The following TRAK1 variants were observed in gnomAD, a reference collection of about 807,000 sequenced individuals.
TRAK1 encodes the protein trafficking kinesin protein 1.
A neutral mutation model predicts 92.1 loss-of-function variants in TRAK1; 33 were observed. The ratio of observed to expected loss-of-function variants is 0.36; its 90% CI spans 0.27 to 0.48. TRAK1 has a LOEUF of 0.48. Ranked by LOEUF, TRAK1 falls within the 20% of genes least tolerant of loss-of-function variation. The probability of loss-of-function intolerance (pLI) is 0.99; values close to 1 mark genes in which losing one functional copy is unlikely to be tolerated. For synonymous variants in TRAK1, 521 were observed against 517.3 expected (o/e 1.01, Z -0.10); for missense variants, 1,123 against 1,257.9 (o/e 0.89, Z 1.62).
At chr3:42,065,491 T>G (rs1001167673) in intron 1 of TRAK1, among the ~76,000 whole-genome samples, 1 of 152,154 alleles carries the variant, frequency 6.6e-6, no homozygotes, top group Non-Finnish European at 1.5e-5. Context: ...TTTTGGGTTT[T>G]GAATTTTCAG....
intron 1 of TRAK1, among the ~76,000 whole-genome samples, chr3:42,043,771 A>AC (rs1470756392): frequency 3.2e-4 from 30 of 92,432 alleles, no homozygotes; most frequent in South Asian, 1.3e-3. Context: ...GACCCACCCC[A>AC]CCCCCCCGCC....
At chr3:42,089,679 C>T (rs1704891320), upstream of TRAK1, among the ~76,000 whole-genome samples, 1 of 143,308 alleles carries the variant, frequency 7.0e-6, no homozygotes, top group African/African-American at 2.9e-5. Context: ...TTTGTGACCC[C>T]CCCCCAATAC....
chr3:42,035,130 C>A (rs904269), intron 1 of TRAK1, among the ~76,000 whole-genome samples: 99,471 of 152,022 alleles, frequency 0.65, 34,427 homozygotes, highest in African/African-American at 0.9. Context: ...AGTCCATAAA[C>A]CACCTTCTAG....
At chr3:42,091,172 C>G (rs1004153022), upstream of TRAK1, 1 of 360,756 alleles carries the variant, frequency 2.8e-6, no homozygotes, top group African/African-American at 2.2e-5. Flanking sequence ...CATCACAAAG[C>G]CCCGTTCTCC....
At chr3:42,102,502 G>C (rs1020158794) in intron 1 of TRAK1, among the ~76,000 whole-genome samples, 2 of 152,150 alleles carry the variant, frequency 1.3e-5, no homozygotes, top group Non-Finnish European at 2.9e-5. Context: ...TTGCTCATTA[G>C]CCCAGCAAGG....
intron 1 of TRAK1, among the ~76,000 whole-genome samples, chr3:42,081,729 G>C (rs1168186683): frequency 6.6e-6 from 1 of 152,226 alleles, no homozygotes; most frequent in African/African-American, 2.4e-5. Flanking sequence ...AAAGGTGCCA[G>C]ATTCTGAGAA....
At chr3:42,116,284 A>G (rs1484551819) in intron 1 of TRAK1, among the ~76,000 whole-genome samples, 2 of 152,210 alleles carry the variant, frequency 1.3e-5, no homozygotes, top group African/African-American at 2.4e-5. Context: ...TTTCCATTCA[A>G]TGAGGAGGTT....
At chr3:42,214,123 T>C (rs1404432193) in intron 14 of TRAK1, among the ~76,000 whole-genome samples, 1 of 152,200 alleles carries the variant, frequency 6.6e-6, no homozygotes, top group Non-Finnish European at 1.5e-5. Flanking sequence ...GAGCATTTTC[T>C]CTCTGGTATC....
At chr3:42,069,161 G>GTA (rs1158959081) in intron 1 of TRAK1, among the ~76,000 whole-genome samples, 2 of 152,062 alleles carry the variant, frequency 1.3e-5, no homozygotes, top group Non-Finnish European at 2.9e-5. Context: ...CCCTGACTGT[G>GTA]TATATACACA....
chr3:42,067,693 A>G (rs563429073), intron 1 of TRAK1, among the ~76,000 whole-genome samples: 1 of 152,124 alleles, frequency 6.6e-6, no homozygotes, highest in Non-Finnish European at 1.5e-5. Context: ...GTTAGTCAGG[A>G]AGCCCCTCAC....
At chr3:42,214,139 C>A (rs1709394501) in intron 14 of TRAK1, among the ~76,000 whole-genome samples, 1 of 152,210 alleles carries the variant, frequency 6.6e-6, no homozygotes, top group African/African-American at 2.4e-5. Context: ...GTATCCTCAC[C>A]TCTGAACACT....
chr3:42,108,082 G>C (rs1707838950), intron 1 of TRAK1, among the ~76,000 whole-genome samples: 1 of 152,080 alleles, frequency 6.6e-6, no homozygotes, highest in African/African-American at 2.4e-5. Context: ...TCATTTTGCA[G>C]CAGGGGAGGC....
intron 1 of TRAK1, among the ~76,000 whole-genome samples, chr3:42,029,293 C>T (rs1369022851): frequency 6.6e-5 from 10 of 152,214 alleles, no homozygotes; most frequent in African/African-American, 2.2e-4. Flanking sequence ...GGCTGGCATG[C>T]AGCGGTGCAG....
intron 1 of TRAK1, among the ~76,000 whole-genome samples, chr3:42,058,125 G>C (rs1484437948): frequency 6.6e-6 from 1 of 152,296 alleles, no homozygotes; most frequent in Non-Finnish European, 1.5e-5. Flanking sequence ...TCATTGGGAA[G>C]TGAGACTTGT....
chr3:42,090,523 T>C (rs566440366), upstream of TRAK1, among the ~76,000 whole-genome samples: 1 of 152,244 alleles, frequency 6.6e-6, no homozygotes, highest in South Asian at 2.1e-4. Context: ...CCGTCTCTAC[T>C]AAAAATATAA....
At chr3:42,170,624 A>G (rs1045962339) in intron 2 of TRAK1, among the ~76,000 whole-genome samples, 2 of 152,184 alleles carry the variant, frequency 1.3e-5, no homozygotes, top group Admixed American at 1.3e-4. Context: ...CAGTTTTTAT[A>G]ATGAAAATTA....
At chr3:42,052,051 A>G (rs2148914773) in intron 1 of TRAK1, among the ~76,000 whole-genome samples, 1 of 152,370 alleles carries the variant, frequency 6.6e-6, no homozygotes, top group African/African-American at 2.4e-5. Flanking sequence ...TGCAGACTCC[A>G]TCAGAAGCAA....
At chr3:42,169,210 G>A (rs1702246316) in intron 2 of TRAK1, among the ~76,000 whole-genome samples, 1 of 151,318 alleles carries the variant, frequency 6.6e-6, no homozygotes, top group Admixed American at 6.6e-5. Flanking sequence ...TATATGAATG[G>A]AATCATACAA....
At chr3:42,081,239 C>A (rs547882972) in intron 1 of TRAK1, among the ~76,000 whole-genome samples, 1 of 152,164 alleles carries the variant, frequency 6.6e-6, no homozygotes, top group Non-Finnish European at 1.5e-5. Flanking sequence ...AAACTCGAGC[C>A]AGCCTAGAGA....
Sources: allele counts gnomAD v4.1 joint callset (sites outside exome capture counted in the v4.1 genomes callset), GRCh38; gene constraint gnomAD v4.1.1; transcripts MANE v1.5; gene names NCBI Gene and HGNC (gene_info 2026-07-23, HGNC 2026-07-21).